ADGRL2: variants seen among roughly 807,000 people sequenced by gnomAD.
The protein encoded by ADGRL2 is adhesion G protein-coupled receptor L2, also known as calcium-independent alpha-latrotoxin receptor 2.
In ADGRL2, 44 loss-of-function variants were observed where a neutral mutation model predicts 157.4. The observed-to-expected ratio is 0.28, with a 90% confidence interval of 0.22 to 0.36. ADGRL2 has a LOEUF of 0.36. Among genes scored for constraint, ADGRL2 ranks in the 10% least tolerant of loss-of-function variants. The pLI is 1.00. For missense variants in ADGRL2, 1,510 were observed against 1,768.9 expected, an observed-to-expected ratio of 0.85 and a Z score of 2.63; for synonymous variants, 585 against 624.7, an observed-to-expected ratio of 0.94 and a Z score of 0.95.
At chr1:81,811,449 G>A (rs1328047713) in intron 1 of ADGRL2, among the ~76,000 whole-genome samples, 4 of 151,416 alleles carry the variant, frequency 2.6e-5, no homozygotes, top group Non-Finnish European at 4.4e-5. Flanking sequence ...GGGCATCAGC[G>A]TTCTGCAGCA....
chr1:81,847,613 T>C (rs2092841030), intron 2 of ADGRL2, among the ~76,000 whole-genome samples: 1 of 151,908 alleles, frequency 6.6e-6, no homozygotes, highest in Admixed American at 6.6e-5. Flanking sequence ...TCTAATCCTA[T>C]TTTATATGCC....
intron 2 of ADGRL2, among the ~76,000 whole-genome samples, chr1:81,527,765 C>T (rs2079498072): frequency 6.6e-6 from 1 of 151,564 alleles, no homozygotes; most frequent in African/African-American, 2.4e-5. Context: ...CATTTGAGGA[C>T]AAAGTAAGAA....
intron 18 of ADGRL2, 124 bp downstream of exon 18, chr1:81,980,084 C>T (rs1661236199): frequency 1.7e-6 from 1 of 600,090 alleles, no homozygotes. Flanking sequence ...GTTTTACTGC[C>T]CTCAAGTTGA....
intron 2 of ADGRL2, among the ~76,000 whole-genome samples, chr1:81,788,020 T>C (rs944492816): frequency 6.6e-6 from 1 of 152,204 alleles, no homozygotes; most frequent in African/African-American, 2.4e-5. Flanking sequence ...GATACAGTCC[T>C]CTTGATCTAT....
rs1392759552 is a variant in ADGRL2, at chr1:81,993,477, G to A, written c.*2332G>A. 6.6e-6 allele frequency among the ~76,000 whole-genome samples: 1 copy of A among 151,844 alleles called. No homozygotes were observed. The highest frequency in any genetic ancestry group is 1.5e-5 in the Non-Finnish European group (1 of 67,976). On this transcript the variant is annotated 3_prime_UTR_variant, in exon 24 of 24. Coordinates refer to ENST00000686636, the MANE Select transcript of ADGRL2 (RefSeq NM_001366006.2). Reference sequence around the variant, plus strand: ...AGTTAGTCCTATTTCTTTCTCTTGAGGCAGTTCTCAAAACTCTAAAGACAT... The same window carrying A: ...AGTTAGTCCTATTTCTTTCTCTTGAAGCAGTTCTCAAAACTCTAAAGACAT...
At chr1:81,422,667 A>T (rs758847064) in intron 1 of ADGRL2, among the ~76,000 whole-genome samples, 1 of 152,276 alleles carries the variant, frequency 6.6e-6, no homozygotes, top group African/African-American at 2.4e-5. Flanking sequence ...TTAAGAAATT[A>T]TAAGAGTCTG....
intron 3 of ADGRL2, among the ~76,000 whole-genome samples, chr1:81,638,476 G>A (rs530702495): frequency 6.6e-6 from 1 of 152,180 alleles, no homozygotes; most frequent in South Asian, 2.1e-4. Context: ...GCATGTATAT[G>A]GCTATTTATA....
chr1:81,520,411 C>A (rs1424480754), intron 2 of ADGRL2, among the ~76,000 whole-genome samples: 2 of 151,976 alleles, frequency 1.3e-5, no homozygotes, highest in Non-Finnish European at 2.9e-5. Flanking sequence ...CTAACTTGAA[C>A]TTAAACACCT....
chr1:81,437,932 A>G (rs1050136560), intron 1 of ADGRL2, among the ~76,000 whole-genome samples: 2 of 152,122 alleles, frequency 1.3e-5, no homozygotes, highest in Non-Finnish European at 2.9e-5. Context: ...AAAGGTGAGG[A>G]GTCAGCCACA....
intron 2 of ADGRL2, among the ~76,000 whole-genome samples, chr1:81,900,552 A>C (rs2094467668): frequency 6.6e-6 from 1 of 152,132 alleles, no homozygotes; most frequent in African/African-American, 2.4e-5. Flanking sequence ...AAAAATGGGG[A>C]AAACCTGTAG....
chr1:81,510,885 T>G (rs762007155), intron 2 of ADGRL2, among the ~76,000 whole-genome samples: 1 of 152,200 alleles, frequency 6.6e-6, no homozygotes, highest in African/African-American at 2.4e-5. Context: ...CTTCTTGGTT[T>G]GATATGTGAG....
intron 1 of ADGRL2, among the ~76,000 whole-genome samples, chr1:81,750,456 C>T (rs1289926430): frequency 3.9e-5 from 6 of 152,166 alleles, no homozygotes; most frequent in Admixed American, 1.3e-4. Context: ...AGGTGGCTCA[C>T]GCCTGTAATC....
intron 2 of ADGRL2, among the ~76,000 whole-genome samples, chr1:81,878,896 A>G (rs998010406): frequency 2.1e-4 from 32 of 152,322 alleles, no homozygotes; most frequent in African/African-American, 7.5e-4. Flanking sequence ...ACTGGATTCT[A>G]GTTTAATTAG....
chr1:81,898,193 ATTG>A, intron 2 of ADGRL2, among the ~76,000 whole-genome samples: 1 of 152,182 alleles, frequency 6.6e-6, no homozygotes, highest in South Asian at 2.1e-4. Context: ...TGAGTTGATG[ATTG>A]TGTAGTTATA....
In ADGRL2 at chr1:81,829,898, G is replaced by T. The variant is rs375693687; in HGVS notation, c.-100-6987G>T. 1.8e-4 allele frequency among the ~76,000 whole-genome samples: 27 copies of T among 152,112 alleles called. 1 individual carries two copies. Among genetic ancestry groups the T allele is most frequent in the Admixed American group, 3.9e-4 (6 of 15,268 alleles). On this transcript the variant is annotated intron_variant, in intron 1 of 23. Coordinates refer to ENST00000686636, the MANE Select transcript of ADGRL2 (RefSeq NM_001366006.2). ...GCTACTGCAGTCCTTGTAGGGGCAG[G>T]TTGAGCCACGATTCTATAGTGTGCA...
At position 81,625,441 on chromosome 1, in the gene ADGRL2, G is replaced by A. The variant is rs183541211; in HGVS notation, c.-143+44461G>A. Among the ~76,000 whole-genome samples, 5 of 152,186 alleles carry A rather than the reference G, an allele frequency of 3.3e-5. No individual in the cohort carries two copies. In the East Asian group the frequency reaches 9.6e-4, roughly 29 times the overall value. On this transcript the variant is annotated intron_variant, in intron 3 of 24. Coordinates refer to the ADGRL2 transcript ENST00000370721. ...AAATAGGTATTTTTCTTCCTTATAT[G>A]TTTTTTCTTCCTCGAGTTAATGGAT...
intron 6 of ADGRL2, among the ~76,000 whole-genome samples, chr1:81,948,838 G>A (rs1292118982): frequency 6.6e-6 from 1 of 152,120 alleles, no homozygotes; most frequent in African/African-American, 2.4e-5. Context: ...TAGAGGGGGG[G>A]AAAGGAATAA....
intron 13 of ADGRL2, among the ~76,000 whole-genome samples, chr1:81,967,263 C>CTT (rs5775656): frequency 2.2e-5 from 3 of 135,746 alleles, no homozygotes; most frequent in Non-Finnish European, 3.2e-5. Flanking sequence ...TTGATTGACT[C>CTT]TTTTTTTTTT....
intron 2 of ADGRL2, among the ~76,000 whole-genome samples, chr1:81,850,665 A>T (rs116163808): frequency 0.02 from 3,020 of 151,998 alleles, 48 homozygotes; most frequent in Non-Finnish European, 0.028. Context: ...TTCTAATCTA[A>T]ACAGGAATCC....
Sources: gnomAD v4.1 joint callset for allele counts (sites outside exome capture counted in the v4.1 genomes callset) on GRCh38, gnomAD v4.1.1 for gene constraint, MANE v1.5 for transcripts, NCBI Gene and HGNC (gene_info 2026-07-23, HGNC 2026-07-21) for gene names.